The following ANAPC7 variants were observed in gnomAD, a reference collection of about 807,000 sequenced individuals.
ANAPC7 encodes the protein anaphase promoting complex subunit 7.
In ANAPC7, 25 loss-of-function variants were observed where a neutral mutation model predicts 63.3. The ratio of observed to expected loss-of-function variants is 0.39; its 90% confidence interval spans 0.29 to 0.55. ANAPC7 has a LOEUF of 0.55. Among genes scored for constraint, ANAPC7 ranks in the 20% least tolerant of loss-of-function variants. The probability of loss-of-function intolerance (pLI) is 0.57; values close to 1 mark genes in which losing one functional copy is unlikely to be tolerated. For synonymous variants in ANAPC7, 241 were observed against 251.7 expected (o/e 0.96, Z 0.40); for missense variants, 516 against 691.7 (o/e 0.75, Z 2.85).
At chr12:110,381,243 C>T (rs1881816363) in intron 8 of ANAPC7, among the ~76,000 whole-genome samples, 1 of 152,132 alleles carries the variant, frequency 6.6e-6, no homozygotes, top group Admixed American at 6.6e-5. Context: ...CCAAAAATAT[C>T]GATGTCTATT....
intron 1 of ANAPC7, among the ~76,000 whole-genome samples, chr12:110,396,697 T>C (rs2062144800): frequency 6.9e-6 from 1 of 145,958 alleles, no homozygotes; most frequent in East Asian, 2.0e-4. Flanking sequence ...TTTTTTTTAG[T>C]AGACATGGGG....
intron 1 of ANAPC7, among the ~76,000 whole-genome samples, chr12:110,399,632 T>A (rs2137993888): frequency 6.6e-6 from 1 of 152,058 alleles, no homozygotes; most frequent in Middle Eastern, 3.4e-3. Flanking sequence ...ACCCACAGAA[T>A]TGCATTATTG....
intron 6 of ANAPC7, among the ~76,000 whole-genome samples, chr12:110,384,749 CCTG>C (rs1379838062): frequency 1.3e-5 from 2 of 151,982 alleles, no homozygotes; most frequent in Non-Finnish European, 2.9e-5. Flanking sequence ...AATTTGAAAG[CCTG>C]CTATTTTCAG....
chr12:110,384,718 G>A (rs981184636), intron 6 of ANAPC7, among the ~76,000 whole-genome samples: 2 of 151,708 alleles, frequency 1.3e-5, no homozygotes, highest in Non-Finnish European at 2.9e-5. Flanking sequence ...AAAACCAAAG[G>A]AGCAGAACAA....
At chr12:110,382,453 AAAAAAAAAATATATATATAT>A (rs1390805063) in intron 7 of ANAPC7, among the ~76,000 whole-genome samples, 11 of 71,866 alleles carry the variant, frequency 1.5e-4, no homozygotes, top group Non-Finnish European at 2.3e-4. Flanking sequence ...AAAAAAAAAA[AAAAAAAAAATATATATATAT>A]ATATATATAT....
At chr12:110,401,789 T>A (rs56264688) in intron 1 of ANAPC7, among the ~76,000 whole-genome samples, 20,714 of 151,468 alleles carry the variant, frequency 0.14, 2,072 homozygotes, top group African/African-American at 0.28. Flanking sequence ...ATCGAGACCA[T>A]CGTGAAACCC....
chr12:110,375,373 C>T, intron 10 of ANAPC7: 3 of 955,888 alleles, frequency 3.1e-6, no homozygotes, highest in Non-Finnish European at 3.7e-6. Flanking sequence ...TGGTGCTCAA[C>T]TGTGTGCTGA....
At chr12:110,380,470 G>A (rs1199586921) in intron 8 of ANAPC7, among the ~76,000 whole-genome samples, 4 of 151,830 alleles carry the variant, frequency 2.6e-5, no homozygotes, top group South Asian at 2.1e-4. Context: ...GGCCAACATG[G>A]TGAAACTCCA....
Position 110,377,571 on chromosome 12 carries a change from C to T in ANAPC7, c.1179G>A (p.Met393Ile). Residue 393 changes from methionine to isoleucine, a missense_variant, in exon 9 of 11, where the codon ATG (methionine) becomes ATA (isoleucine). Met to Ile is a conservative substitution (Grantham distance 10). This residue lies in a region of ANAPC7 where 199 missense variants were observed against 249.3 expected (regional missense o/e 0.80). Transcript: ENST00000455511. ...YLASNSIREAMVMANNVYKTL... is the reference protein window; with the variant it reads ...YLASNSIREAIVMANNVYKTL... ...TTTTGTAAACGTTGTTAGCCATTAC[C>T]ATTGCTTCTCGAATACTGTTGGAGG... The T allele has an allele frequency of 6.2e-7, 1 of 1,614,152 alleles. No individual in the cohort carries two copies. Among genetic ancestry groups the T allele is most frequent in the South Asian group, 1.1e-5 (1 of 91,084 alleles).
At chr12:110,388,016 T>A in intron 4 of ANAPC7, 124 bp from the exon 5 acceptor site, 1 of 990,716 alleles carries the variant, frequency 1.0e-6, no homozygotes, top group African/African-American at 1.6e-5. Context: ...GAGCGATGCA[T>A]GAGAGAAAAA....
intron 3 of ANAPC7, among the ~76,000 whole-genome samples, chr12:110,389,671 C>T (rs1361902374): frequency 6.6e-6 from 1 of 152,136 alleles, no homozygotes; most frequent in Non-Finnish European, 1.5e-5. Flanking sequence ...GTGGCTCATG[C>T]CTGTAATCCC....
chr12:110,385,758 T>C (rs1882394043), intron 6 of ANAPC7, among the ~76,000 whole-genome samples: 1 of 152,178 alleles, frequency 6.6e-6, no homozygotes, highest in Non-Finnish European at 1.5e-5. Flanking sequence ...CCTTTACAAA[T>C]AGACAGCATA....
chr12:110,375,314 T>C (rs930065114), intron 10 of ANAPC7, among the ~76,000 whole-genome samples: 11 of 152,246 alleles, frequency 7.2e-5, no homozygotes, highest in South Asian at 2.1e-4. Flanking sequence ...GACTGACAGC[T>C]CCCGAAACAT....
In ANAPC7 at chr12:110,381,111, A is replaced by G. The variant is rs147107313; in HGVS notation, c.1132+641T>C. Among the ~76,000 whole-genome samples the G allele has an allele frequency of 4.5e-3, 690 of 152,148 alleles. 3 individuals are homozygous for G. Among genetic ancestry groups the G allele is most frequent in the Non-Finnish European group, 7.0e-3 (477 of 67,982 alleles). On this transcript the variant is annotated intron_variant, in intron 8 of 10. Coordinates refer to ENST00000455511, the MANE Select transcript of ANAPC7 (RefSeq NM_016238.3). Reference sequence around the variant, plus strand: ...ACCCTCACCAAAAACCAGAAAAAAAATCAGAAAAAATGGATTATGAAAGTA... The same window carrying G: ...ACCCTCACCAAAAACCAGAAAAAAAGTCAGAAAAAATGGATTATGAAAGTA...
Position 110,381,905 on chromosome 12 carries a change from A to T in ANAPC7, c.979T>A (p.Leu327Ile). The T allele has an allele frequency of 6.2e-7, 1 of 1,609,050 alleles. No individual in the cohort carries two copies. Among genetic ancestry groups the T allele is most frequent in the South Asian group, 1.1e-5 (1 of 90,788 alleles). ...YSKRYSRALY[L>I]GAKAIQLNSN... is the part of the protein sequence containing the mutation. ...TTCAGCTGAATGGCCTTGGCTCCTA[A>T]ATAGAGGGCCCGGGAGTAGCGTTTG... is the stretch of plus-strand genomic sequence containing the variant. Residue 327 changes from leucine (L) to isoleucine (I), a missense_variant, in exon 8 of 11, where the codon TTA (leucine) becomes ATA (isoleucine). By Grantham distance (5) the Leu-to-Ile change is conservative. This residue lies in a region of ANAPC7 where 199 missense variants were observed against 249.3 expected (regional missense o/e 0.80). Coordinates refer to ENST00000455511, the MANE Select transcript of ANAPC7 (RefSeq NM_016238.3).
At chr12:110,382,449 AAAAAAAAAAAAAATATAT>A (rs1220134440) in intron 7 of ANAPC7, among the ~76,000 whole-genome samples, 2 of 57,270 alleles carry the variant, frequency 3.5e-5, no homozygotes, top group African/African-American at 1.7e-4. Flanking sequence ...TTTAAAAAAA[AAAAAAAAAAAAAATATAT>A]ATATATATAT....
intron 6 of ANAPC7, among the ~76,000 whole-genome samples, chr12:110,384,912 A>T (rs1882319600): frequency 6.6e-6 from 1 of 152,088 alleles, no homozygotes; most frequent in East Asian, 1.9e-4. Flanking sequence ...GTCTCAGAAA[A>T]AGTTGGCCTA....
intron 9 of ANAPC7, 114 bp downstream of exon 9, chr12:110,377,279 C>T (rs543849354): frequency 3.3e-6 from 3 of 896,240 alleles, no homozygotes; most frequent in African/African-American, 3.4e-5. Context: ...AGACCTGCTG[C>T]AAAAGGCACA....
rs1371238386 is a variant in ANAPC7, at chr12:110,382,450, AAAAAAAAAAAAATAT to A, written c.935+378_935+392del. Among the ~76,000 whole-genome samples the A allele has an allele frequency of 8.7e-4, 71 of 81,144 alleles. 1 individual carries two copies. The highest frequency in any genetic ancestry group is 1.2e-3 in the Admixed American group (9 of 7,284). The allele number at this position is 81,144 out of a possible 152,430, so 53.2% of individuals were successfully genotyped here. A position where few individuals can be genotyped will look rare whatever the true frequency, so the allele number is the denominator to read the frequency against. On this transcript the variant is annotated intron_variant, in intron 7 of 10. Transcript: ENST00000455511. ...GGGCTGATTATCCTTTTAAAAAAAA[AAAAAAAAAAAAATAT>A]ATATATATATATATATATATATATA...
Sources: gnomAD v4.1 joint callset for allele counts (sites outside exome capture counted in the v4.1 genomes callset) on GRCh38, gnomAD v4.1.1 for gene constraint, gnomAD v4.1.1 regional missense constraint, MANE v1.5 for transcripts, NCBI Gene and HGNC (gene_info 2026-07-23, HGNC 2026-07-21) for gene names.